Variants in APBB2 observed in about 807,000 individuals in gnomAD.
APBB2 encodes the protein Fe65-like 1.
APBB2 carries 38 observed loss-of-function variants against 82.5 expected under a neutral mutation model. The ratio of observed to expected loss-of-function variants is 0.46; its 90% CI spans 0.36 to 0.60. The LOEUF is 0.60. APBB2 is among the 20% of genes least tolerant of loss of function. The pLI, the probability that APBB2 is intolerant of heterozygous loss-of-function variation, is 0.00. For synonymous variants in APBB2, 341 were observed against 368.2 expected (o/e 0.93, Z 0.85); for missense variants, 772 against 972.3 (o/e 0.79, Z 2.74).
chr4:40,898,067 G>A (rs993893952), intron 10 of APBB2, among the ~76,000 whole-genome samples: 3 of 152,134 alleles, frequency 2.0e-5, no homozygotes, highest in Non-Finnish European at 4.4e-5. Flanking sequence ...TTCAAGTCAC[G>A]ATTTTGCTAC....
At chr4:40,846,900 T>C (rs1757837073) in intron 12 of APBB2, among the ~76,000 whole-genome samples, 1 of 151,854 alleles carries the variant, frequency 6.6e-6, no homozygotes, top group African/African-American at 2.4e-5. Flanking sequence ...AAGCAAGAAT[T>C]AACGAGCTTC....
rs142431868 is a variant in APBB2 at position 40,911,557 on chromosome 4, G to A, written c.1255-18146C>T. ...TGTCCAACTCCAGGTGTCTTACACT[G>A]TAGGCCACAGGGCCAGTTCTTCCTG... On this transcript the variant is annotated intron_variant, in intron 10 of 17. Transcript: ENST00000508593. 7.0e-4 allele frequency among the ~76,000 whole-genome samples: 107 copies of A among 152,304 alleles called. No individual in the cohort carries two copies. In the East Asian group the frequency reaches 0.019, roughly 27 times the overall value.
chr4:40,890,232 C>G lies in APBB2; in HGVS notation c.1529+132G>C, dbSNP rs1771571374. On this transcript the variant is annotated intron_variant, in intron 12 of 17. Coordinates refer to ENST00000508593, the MANE Select transcript of APBB2 (RefSeq NM_004307.2). ...AGGCAGGGAACTAGAGACAAGCTTT[C>G]ATTTTTCACATTTCTATATAGAAGC... 1.3e-5 allele frequency: 16 copies of G among 1,254,522 alleles called. No individual in the cohort carries two copies. In the South Asian group the frequency reaches 2.3e-4, roughly 18 times the overall value. The allele number at this position is 1,254,522 out of a possible 1,614,324, so 77.7% of individuals were successfully genotyped here. A position where few individuals can be genotyped will look rare whatever the true frequency, so the allele number is the denominator to read the frequency against.
At chr4:40,831,137 T>C (rs1751750296) in intron 12 of APBB2, among the ~76,000 whole-genome samples, 1 of 151,960 alleles carries the variant, frequency 6.6e-6, no homozygotes, top group South Asian at 2.1e-4. Context: ...TGGTGGCTCA[T>C]GCCTGTAATC....
chr4:41,199,405 T>C (rs1302192056), intron 1 of APBB2, among the ~76,000 whole-genome samples: 1 of 152,216 alleles, frequency 6.6e-6, no homozygotes, highest in African/African-American at 2.4e-5. Context: ...AGTCTTTCCC[T>C]AGAAGAGAAG....
chr4:40,997,406 A>G (rs1485597805), intron 6 of APBB2, among the ~76,000 whole-genome samples: 2 of 152,120 alleles, frequency 1.3e-5, no homozygotes, highest in Non-Finnish European at 1.5e-5. Flanking sequence ...TTTAAACTCT[A>G]CCTTACAAAG....
chr4:40,892,656 T>C (rs1772383964), intron 11 of APBB2: 1 of 152,268 alleles, frequency 6.6e-6, no homozygotes. Context: ...AATACAGCTT[T>C]TCCGGTTTGA....
At chr4:40,980,418 T>C (rs1798183345) in intron 6 of APBB2, among the ~76,000 whole-genome samples, 1 of 152,220 alleles carries the variant, frequency 6.6e-6, no homozygotes, top group Non-Finnish European at 1.5e-5. Flanking sequence ...TTTGGATTCA[T>C]TTACTTTTCT....
At chr4:40,960,895 C>A (rs1002807158) in intron 6 of APBB2, among the ~76,000 whole-genome samples, 2 of 151,258 alleles carry the variant, frequency 1.3e-5, no homozygotes, top group Non-Finnish European at 2.9e-5. Context: ...TGTGGCCATG[C>A]AAGTAAATTC....
At chr4:40,849,025 T>C (rs921018745) in intron 12 of APBB2, 3 of 392,806 alleles carry the variant, frequency 7.6e-6, no homozygotes, top group Non-Finnish European at 1.0e-5. Context: ...CAATCAATAT[T>C]CTTGAATATG....
chr4:40,815,740 T>TCA lies in APBB2; in HGVS notation c.*350_*351dup, dbSNP rs1745418342. On this transcript the variant is annotated 3_prime_UTR_variant, in exon 18 of 18. Transcript: ENST00000508593. ...CAGCCAAGAAGACAGTGAAACTAACTCACGCATCATTCATTCCAAGGACGC... is the reference window on the plus strand; with the variant it reads ...CAGCCAAGAAGACAGTGAAACTAACTCACACGCATCATTCATTCCAAGGACGC... The TCA allele has an allele frequency of 4.5e-6, 1 of 222,476 alleles. No homozygotes were observed. The highest frequency in any genetic ancestry group is 9.1e-6 in the Non-Finnish European group (1 of 109,496). 13.8% of individuals were successfully genotyped at this position (222,476 alleles called of 1,614,324 possible). A position where few individuals can be genotyped will look rare whatever the true frequency, so the allele number is the denominator to read the frequency against.
At chr4:41,134,136 A>C (rs62413797) in intron 2 of APBB2, among the ~76,000 whole-genome samples, 5 of 152,094 alleles carry the variant, frequency 3.3e-5, no homozygotes, top group Non-Finnish European at 7.4e-5. Flanking sequence ...ATACCTGGCT[A>C]ATTTTTTTTT....
At chr4:41,079,440 A>G (rs1467325337) in intron 3 of APBB2, among the ~76,000 whole-genome samples, 1 of 152,260 alleles carries the variant, frequency 6.6e-6, no homozygotes, top group East Asian at 1.9e-4. Flanking sequence ...TCAAAGCAGA[A>G]CAAAGAAGAT....
chr4:40,921,164 A>C (rs947015370), intron 10 of APBB2, among the ~76,000 whole-genome samples: 2 of 152,244 alleles, frequency 1.3e-5, no homozygotes, highest in Admixed American at 1.3e-4. Flanking sequence ...GAACTTGTCC[A>C]TAATGGCCTC....
intron 10 of APBB2, among the ~76,000 whole-genome samples, chr4:40,898,044 A>G (rs889296359): frequency 1.3e-5 from 2 of 152,220 alleles, no homozygotes; most frequent in African/African-American, 4.8e-5. Flanking sequence ...CCGTGTCATC[A>G]GAGGAGTCTG....
At chr4:40,869,017 C>T (rs1368809932) in intron 12 of APBB2, among the ~76,000 whole-genome samples, 3 of 152,048 alleles carry the variant, frequency 2.0e-5, no homozygotes, top group Admixed American at 2.0e-4. Context: ...TTTGTCCCCA[C>T]ACCACCTTTC....
At chr4:40,958,889 A>T (rs1378399003) in intron 6 of APBB2, among the ~76,000 whole-genome samples, 1 of 152,218 alleles carries the variant, frequency 6.6e-6, no homozygotes, top group Non-Finnish European at 1.5e-5. Context: ...TACAGGCGTG[A>T]GCCGCTGCAC....
intron 6 of APBB2, among the ~76,000 whole-genome samples, chr4:41,006,270 A>G (rs62412099): frequency 0.038 from 5,822 of 152,252 alleles, 213 homozygotes; most frequent in African/African-American, 0.1. Context: ...ACCCCAGAAC[A>G]CAGCATGCCT....
At chr4:40,880,945 C>T in intron 12 of APBB2, 1 of 984,592 alleles carries the variant, frequency 1.0e-6, no homozygotes, top group Non-Finnish European at 1.2e-6. Context: ...ACAGGACCGC[C>T]ATGAACGATC....
Sources: gnomAD v4.1 joint callset for allele counts (sites outside exome capture counted in the v4.1 genomes callset) on GRCh38, gnomAD v4.1.1 for gene constraint, MANE v1.5 for transcripts, NCBI Gene and HGNC (gene_info 2026-07-23, HGNC 2026-07-21) for gene names.